CFAP299: variants seen among roughly 807,000 people sequenced by gnomAD.
The protein encoded by CFAP299 is cilia- and flagella-associated protein 299.
In CFAP299, 21 loss-of-function variants were observed where a neutral mutation model predicts 27.0. That is an observed-to-expected ratio of 0.78 (90% CI 0.55 to 1.12). The LOEUF is 1.12. CFAP299 is among the 50% of genes most tolerant of loss of function. CFAP299 has a pLI of 0.00. For missense variants in CFAP299, 310 were observed against 276.6 expected, an observed-to-expected ratio of 1.12 and a Z score of -0.86; for synonymous variants, 104 against 98.1, an observed-to-expected ratio of 1.06 and a Z score of -0.36.
intron 3 of CFAP299, among the ~76,000 whole-genome samples, chr4:80,841,952 G>A (rs1243872685): frequency 6.6e-6 from 1 of 152,098 alleles, no homozygotes; most frequent in Admixed American, 6.6e-5. Context: ...AGAGGAAACA[G>A]CCTAATCCAC....
intron 2 of CFAP299, among the ~76,000 whole-genome samples, chr4:80,379,822 G>A (rs1233372653): frequency 2.0e-5 from 3 of 151,734 alleles, no homozygotes; most frequent in Admixed American, 6.6e-5. Flanking sequence ...CCAGTATATG[G>A]TCTATCTTAG....
intron 3 of CFAP299, among the ~76,000 whole-genome samples, chr4:80,674,015 A>T: frequency 6.6e-6 from 1 of 152,082 alleles, no homozygotes; most frequent in Non-Finnish European, 1.5e-5. Context: ...CATTTAGCCC[A>T]TTTACATTTA....
chr4:80,896,258 GA>G, intron 4 of CFAP299, among the ~76,000 whole-genome samples: 1 of 152,064 alleles, frequency 6.6e-6, no homozygotes, highest in African/African-American at 2.4e-5. Context: ...AAAATATCCA[GA>G]ATGGTTATTT....
At chr4:80,444,924 G>C (rs1173926786) in intron 2 of CFAP299, among the ~76,000 whole-genome samples, 2 of 152,216 alleles carry the variant, frequency 1.3e-5, no homozygotes, top group Non-Finnish European at 2.9e-5. Flanking sequence ...ATGAAAAAAA[G>C]CTCATCATCA....
intron 3 of CFAP299, among the ~76,000 whole-genome samples, chr4:80,710,424 G>A (rs1722074343): frequency 6.7e-6 from 1 of 149,762 alleles, no homozygotes; most frequent in East Asian, 2.0e-4. Context: ...GCCACTAAAT[G>A]TTTGGGTGAT....
chr4:80,468,561 A>G (rs998799352), intron 2 of CFAP299, among the ~76,000 whole-genome samples: 1 of 152,156 alleles, frequency 6.6e-6, no homozygotes, highest in Middle Eastern at 3.4e-3. Flanking sequence ...GAGGCTGGGC[A>G]TGGCGACTCA....
chr4:80,846,332 G>T (rs1731183267), intron 3 of CFAP299, among the ~76,000 whole-genome samples: 1 of 152,108 alleles, frequency 6.6e-6, no homozygotes, highest in Admixed American at 6.6e-5. Flanking sequence ...GATAAATTCT[G>T]TGTGTCTTTT....
intron 3 of CFAP299, among the ~76,000 whole-genome samples, chr4:80,583,890 TA>T (rs1423467535): frequency 6.6e-6 from 1 of 151,910 alleles, no homozygotes; most frequent in African/African-American, 2.4e-5. Context: ...AATAGTGTGA[TA>T]AAAAATTTAG....
intron 3 of CFAP299, among the ~76,000 whole-genome samples, chr4:80,616,303 T>C (rs181481720): frequency 3.2e-4 from 48 of 152,232 alleles, no homozygotes; most frequent in African/African-American, 1.2e-3. Context: ...TGGCTGTGTA[T>C]GCTAATACTT....
chr4:80,671,083 G>T (rs570532073), intron 3 of CFAP299, among the ~76,000 whole-genome samples: 44 of 152,258 alleles, frequency 2.9e-4, no homozygotes, highest in Middle Eastern at 3.4e-3. Context: ...GTCCTGAATG[G>T]TATTGCCTAG....
At chr4:80,906,528 C>T (rs1450418081) in intron 4 of CFAP299, among the ~76,000 whole-genome samples, 1 of 152,208 alleles carries the variant, frequency 6.6e-6, no homozygotes, top group Non-Finnish European at 1.5e-5. Flanking sequence ...GCAGTTGTTC[C>T]CCTTGAGGGC....
At chr4:80,337,869 A>G (rs1457318336) in intron 1 of CFAP299, among the ~76,000 whole-genome samples, 2 of 152,192 alleles carry the variant, frequency 1.3e-5, no homozygotes, top group South Asian at 2.1e-4. Context: ...ACAGGTATAT[A>G]TATGTTTACA....
rs1432454330 is a variant in CFAP299, at chr4:80,506,276, A to T, written c.243-76817A>T. Among the ~76,000 whole-genome samples the T allele has an allele frequency of 2.0e-5, 3 of 152,192 alleles. No homozygotes were observed. The South Asian group carries it at 6.2e-4, about 32-fold the overall frequency. ...TATAGTAAATCCAGGACTATTTGAA[A>T]CAGATATCTATATAAAAAGATGGCT... On this transcript the variant is annotated intron_variant, in intron 2 of 5. Coordinates refer to ENST00000358105, the MANE Select transcript of CFAP299 (RefSeq NM_152770.3).
chr4:80,574,918 T>C (rs3102894), intron 2 of CFAP299, among the ~76,000 whole-genome samples: 1 of 152,046 alleles, frequency 6.6e-6, no homozygotes, highest in Non-Finnish European at 1.5e-5. Context: ...GCCTGTAGTT[T>C]TCTTTTTTTG....
intron 2 of CFAP299, among the ~76,000 whole-genome samples, chr4:80,499,220 A>G (rs1174900897): frequency 6.6e-6 from 1 of 152,124 alleles, no homozygotes; most frequent in Non-Finnish European, 1.5e-5. Flanking sequence ...ACATCTGTGC[A>G]TTTTCCCTCT....
chr4:80,834,268 A>G (rs1337733070), intron 3 of CFAP299, among the ~76,000 whole-genome samples: 3 of 152,224 alleles, frequency 2.0e-5, no homozygotes, highest in Non-Finnish European at 4.4e-5. Context: ...CATGTGAGAC[A>G]GAGGAGTCTT....
intron 2 of CFAP299, among the ~76,000 whole-genome samples, chr4:80,487,852 C>T (rs574007304): frequency 6.6e-6 from 1 of 152,166 alleles, no homozygotes; most frequent in Non-Finnish European, 1.5e-5. Context: ...TTCAATACTT[C>T]TCTCACATTG....
At chr4:80,508,635 T>C (rs1732145898) in intron 2 of CFAP299, among the ~76,000 whole-genome samples, 1 of 152,150 alleles carries the variant, frequency 6.6e-6, no homozygotes, top group Non-Finnish European at 1.5e-5. Context: ...CATGGCTCAC[T>C]GCGGCCTTGA....
intron 5 of CFAP299, 118 bp from the exon 6 acceptor site, chr4:80,963,399 G>C (rs1738441186): frequency 7.7e-6 from 5 of 652,188 alleles, no homozygotes. Context: ...ATATCTCCGT[G>C]GAAACAAACT....
Sources: gnomAD v4.1 joint callset for allele counts (sites outside exome capture counted in the v4.1 genomes callset) on GRCh38, gnomAD v4.1.1 for gene constraint, MANE v1.5 for transcripts, NCBI Gene and HGNC (gene_info 2026-07-23, HGNC 2026-07-21) for gene names.